The following STX18 variants were observed in gnomAD, a reference collection of about 807,000 sequenced individuals.
STX18 encodes the protein syntaxin 18.
Under a neutral mutation model 50.1 loss-of-function variants are expected in STX18, and 40 were observed. That is an observed-to-expected ratio of 0.80 (90% CI 0.62 to 1.04). The LOEUF (loss-of-function observed/expected upper bound fraction) is 1.04, where lower values mean the gene tolerates loss of function less well. Ranked by LOEUF, STX18 falls within the 50% of genes least tolerant of loss-of-function variation. STX18 has a pLI of 0.00. For missense variants in STX18, 410 were observed against 415.8 expected (o/e 0.99, Z 0.12); for synonymous variants, 158 against 151.8 (o/e 1.04, Z -0.30).
intron 1 of STX18, among the ~76,000 whole-genome samples, chr4:4,487,420 C>G (rs1577367007): frequency 6.6e-6 from 1 of 152,274 alleles, no homozygotes; most frequent in Middle Eastern, 3.4e-3. Context: ...ATGTTAAACC[C>G]ATTGTATAGA....
At chr4:4,462,909 G>T (rs1312474355) in intron 2 of STX18, among the ~76,000 whole-genome samples, 1 of 152,172 alleles carries the variant, frequency 6.6e-6, no homozygotes, top group Non-Finnish European at 1.5e-5. Flanking sequence ...GTACTAAGAT[G>T]AGAATCCATG....
rs1246223966 is a variant in STX18, at chr4:4,542,014, G to A, written c.-50C>T. The A allele has an allele frequency of 6.0e-6, 9 of 1,492,800 alleles. No homozygotes were observed. The African/African-American group carries it at 7.2e-5, about 12-fold the overall frequency. The allele number at this position is 1,492,800 out of a possible 1,614,324, so 92.5% of individuals were successfully genotyped here. ...ACTAGGCCCGCCCACGTAAGCAGCCGGCGACCGCGGCGCGAACCCGGCCGC... is the reference window on the plus strand; with the variant it reads ...ACTAGGCCCGCCCACGTAAGCAGCCAGCGACCGCGGCGCGAACCCGGCCGC... On this transcript the variant is annotated 5_prime_UTR_variant, in exon 1 of 11. Transcript: ENST00000306200.
chr4:4,515,593 A>G (rs1488670100), intron 1 of STX18, among the ~76,000 whole-genome samples: 2 of 152,186 alleles, frequency 1.3e-5, no homozygotes, highest in Non-Finnish European at 2.9e-5. Flanking sequence ...AGTAAATGCA[A>G]TAAAAATGTG....
intron 1 of STX18, among the ~76,000 whole-genome samples, chr4:4,525,374 T>C (rs965761025): frequency 1.3e-5 from 2 of 152,186 alleles, no homozygotes; most frequent in Non-Finnish European, 2.9e-5. Context: ...GGGAGAACTG[T>C]TAATGATGAA....
At chr4:4,433,125 T>A (rs1215035683) in intron 7 of STX18, among the ~76,000 whole-genome samples, 2 of 152,190 alleles carry the variant, frequency 1.3e-5, no homozygotes, top group Admixed American at 6.5e-5. Flanking sequence ...GGGCTTTAGT[T>A]TTTGTGCGTC....
At chr4:4,483,402 C>T (rs1728550913) in intron 1 of STX18, among the ~76,000 whole-genome samples, 1 of 152,122 alleles carries the variant, frequency 6.6e-6, no homozygotes, top group Admixed American at 6.5e-5. Context: ...GACTCTTACA[C>T]CCATAGAAAA....
At chr4:4,500,064 TAG>T (rs1560195544) in intron 1 of STX18, among the ~76,000 whole-genome samples, 1 of 151,878 alleles carries the variant, frequency 6.6e-6, no homozygotes, top group African/African-American at 2.4e-5. Context: ...ATGGGATTTT[TAG>T]AGTTTTCTAT....
intron 1 of STX18, among the ~76,000 whole-genome samples, chr4:4,482,776 T>C (rs966381178): frequency 2.6e-5 from 4 of 152,222 alleles, no homozygotes; most frequent in African/African-American, 9.6e-5. Context: ...CTTTAAAATA[T>C]AGTATTCTGG....
chr4:4,535,488 A>G (rs1048249844), intron 1 of STX18, among the ~76,000 whole-genome samples: 1 of 152,084 alleles, frequency 6.6e-6, no homozygotes, highest in Non-Finnish European at 1.5e-5. Flanking sequence ...GAGAGCATTA[A>G]AGCAGTGGTT....
At chr4:4,465,987 T>C (rs930906408) in intron 2 of STX18, among the ~76,000 whole-genome samples, 6 of 152,144 alleles carry the variant, frequency 3.9e-5, no homozygotes, top group African/African-American at 1.4e-4. Flanking sequence ...ATGAATCAAA[T>C]TGATCAAATC....
intron 1 of STX18, among the ~76,000 whole-genome samples, chr4:4,536,936 A>G (rs1183815297): frequency 1.3e-5 from 2 of 152,198 alleles, no homozygotes; most frequent in African/African-American, 4.8e-5. Flanking sequence ...ATCTAATCGA[A>G]GCTTTCAGTT....
chr4:4,528,543 A>G (rs1177581937), intron 1 of STX18, among the ~76,000 whole-genome samples: 1 of 152,232 alleles, frequency 6.6e-6, no homozygotes, highest in Non-Finnish European at 1.5e-5. Flanking sequence ...CTTCTCGTAC[A>G]GTCTGCAGAA....
At chr4:4,522,237 A>G (rs1965155) in intron 1 of STX18, among the ~76,000 whole-genome samples, 14,049 of 152,242 alleles carry the variant, frequency 0.092, 883 homozygotes, top group East Asian at 0.28. Flanking sequence ...CCCATCATTT[A>G]AAAATGAACA....
intron 1 of STX18, among the ~76,000 whole-genome samples, chr4:4,486,352 A>G (rs1728698792): frequency 6.6e-6 from 1 of 152,228 alleles, no homozygotes; most frequent in African/African-American, 2.4e-5. Context: ...GAAATCAGAA[A>G]TGTCATTCAC....
At chr4:4,509,476 G>C (rs187792225) in intron 1 of STX18, among the ~76,000 whole-genome samples, 8 of 152,116 alleles carry the variant, frequency 5.3e-5, no homozygotes, top group Admixed American at 3.9e-4. Flanking sequence ...CAGGTGGATA[G>C]ATTACGAAAA....
intron 1 of STX18, among the ~76,000 whole-genome samples, chr4:4,523,698 T>C (rs1170475243): frequency 2.0e-5 from 3 of 152,238 alleles, no homozygotes; most frequent in Non-Finnish European, 4.4e-5. Context: ...ACTTGATTAC[T>C]GCAACAGCTC....
chr4:4,507,337 A>G, intron 1 of STX18: 1 of 743,166 alleles, frequency 1.3e-6, no homozygotes, highest in Non-Finnish European at 2.5e-6. Flanking sequence ...GCTGAATATT[A>G]TGGCAGCCAA....
intron 1 of STX18, among the ~76,000 whole-genome samples, chr4:4,539,913 C>A (rs1731501295): frequency 6.6e-6 from 1 of 152,176 alleles, no homozygotes; most frequent in South Asian, 2.1e-4. Flanking sequence ...CCCCCCTTTC[C>A]CTGAGCAGGA....
chr4:4,426,897 C>T (rs1401306006), intron 7 of STX18, among the ~76,000 whole-genome samples: 1 of 152,210 alleles, frequency 6.6e-6, no homozygotes, highest in African/African-American at 2.4e-5. Context: ...CATCTCAGCT[C>T]TGCTCTGACA....
Sources: allele counts gnomAD v4.1 joint callset (sites outside exome capture counted in the v4.1 genomes callset), GRCh38; gene constraint gnomAD v4.1.1; transcripts MANE v1.5; gene names NCBI Gene and HGNC (gene_info 2026-07-23, HGNC 2026-07-21).